Variants in ZC3H4 observed in about 807,000 individuals in gnomAD.
ZC3H4 encodes the protein zinc finger CCCH-type containing 4.
ZC3H4 carries 13 observed loss-of-function variants against 108.3 expected under a neutral mutation model. The ratio of observed to expected loss-of-function variants is 0.12; its 90% CI spans 0.08 to 0.19. The LOEUF (loss-of-function observed/expected upper bound fraction) is 0.19, where lower values mean the gene tolerates loss of function less well. Ranked by LOEUF, ZC3H4 falls within the 10% of genes least tolerant of loss-of-function variation. ZC3H4 has a pLI of 1.00. For missense variants in ZC3H4, 1,734 were observed against 1,838.8 expected, an observed-to-expected ratio of 0.94 and a Z score of 1.04; for synonymous variants, 917 against 749.6, an observed-to-expected ratio of 1.22 and a Z score of -3.65.
chr19:47,098,338 A>G (rs1180962405), intron 2 of ZC3H4, among the ~76,000 whole-genome samples: 4 of 152,112 alleles, frequency 2.6e-5, no homozygotes, highest in African/African-American at 9.7e-5. Flanking sequence ...AGTAATACAA[A>G]AATTAGCTGG....
At chr19:47,098,895 A>G (rs1303142650) in intron 2 of ZC3H4, among the ~76,000 whole-genome samples, 1 of 152,132 alleles carries the variant, frequency 6.6e-6, no homozygotes, top group Non-Finnish European at 1.5e-5. Flanking sequence ...AGACCAAGTA[A>G]CTCAACCAGC....
Position 47,066,684 on chromosome 19 carries a change from G to C in ZC3H4, c.3584C>G (p.Ala1195Gly). Residue 1195 changes from alanine to glycine, a missense_variant, in exon 15 of 15, where the codon GCC (alanine) becomes GGC (glycine). Physicochemically the swap from Ala to Gly is moderately conservative, Grantham distance 60. Around this residue, in one of 9 missense-constraint regions of ZC3H4, gnomAD observed 518 missense variants for 499.6 expected, o/e 1.04. Coordinates refer to ENST00000253048, the MANE Select transcript of ZC3H4 (RefSeq NM_015168.2). ...CTTCCCTGTCTCTGGCTGTTCCAGG[G>C]CAGACTTGCGGACGAACGGGGGCTC... ...AKEPPFVRKSALEQPETGKAG... is the reference protein window; with the variant it reads ...AKEPPFVRKSGLEQPETGKAG... 6.2e-7 allele frequency: 1 copy of C among 1,610,954 alleles called. No homozygotes were observed. Among genetic ancestry groups the C allele is most frequent in the Non-Finnish European group, 8.5e-7 (1 of 1,179,334 alleles).
intron 2 of ZC3H4, among the ~76,000 whole-genome samples, chr19:47,108,935 ACATC>A (rs1290583399): frequency 6.6e-6 from 1 of 152,206 alleles, no homozygotes; most frequent in Admixed American, 6.5e-5. Flanking sequence ...TATGACGAGA[ACATC>A]CATATTTCCA....
chr19:47,092,731 C>T (rs977597124), intron 4 of ZC3H4, among the ~76,000 whole-genome samples: 1 of 151,838 alleles, frequency 6.6e-6, no homozygotes, highest in Non-Finnish European at 1.5e-5. Context: ...ACAGGAGAAT[C>T]GCTTGAACCA....
rs773117910 is a variant in ZC3H4, at chr19:47,067,272, G to A, written c.2996C>T (p.Pro999Leu). 1.3e-6 allele frequency: 2 copies of A among 1,588,246 alleles called. No homozygotes were observed. Among genetic ancestry groups the A allele is most frequent in the Non-Finnish European group, 8.6e-7 (1 of 1,167,034 alleles). Residue 999 changes from proline to leucine, a missense_variant, in exon 15 of 15, where the codon CCC (proline) becomes CTC (leucine). By Grantham distance (98) the Pro-to-Leu change is moderately conservative (BLOSUM62 -3). This residue lies in a region of ZC3H4 where 518 missense variants were observed against 499.6 expected (regional missense o/e 1.04). Coordinates refer to ENST00000253048, the MANE Select transcript of ZC3H4 (RefSeq NM_015168.2). The surrounding 1 kb of genome is among the most constrained non-coding windows in gnomAD (Gnocchi z 6.4). ...GGTGGGCATGGATTGCAGGGCCGCG[G>A]GCACGGGGGGCACTGCGTCCTGCTT... ...IPKQDAVPPV[P>L]AALQSMPTLD...
chr19:47,089,436 CA>C (rs1164221508), intron 5 of ZC3H4, among the ~76,000 whole-genome samples: 4 of 152,058 alleles, frequency 2.6e-5, no homozygotes, highest in Admixed American at 2.0e-4. Flanking sequence ...CTCGGCCTCC[CA>C]AAGTGCTGGG....
chr19:47,069,018 G>A, intron 14 of ZC3H4, 74 bp downstream of exon 14: 2 of 1,590,586 alleles, frequency 1.3e-6, no homozygotes, highest in Admixed American at 3.4e-5. Context: ...ACCCAACCTG[G>A]AACACCCCAC....
rs1186423386 is a variant in ZC3H4 at position 47,066,740 on chromosome 19, G to A, written c.3528C>T (p.Gly1176=). 2.7e-5 allele frequency: 43 copies of A among 1,605,634 alleles called. No homozygotes were observed. Among genetic ancestry groups the A allele is most frequent in the Non-Finnish European group, 3.5e-5 (41 of 1,178,382 alleles). Residue 1176 remains glycine, a synonymous_variant, in exon 15 of 15, where the codon GGC becomes GGT. Coordinates refer to ENST00000253048, the MANE Select transcript of ZC3H4 (RefSeq NM_015168.2). ...DTGAQPKGAE[G]NGKSSASKAK... Reference sequence around the variant, plus strand: ...CCTTGGAGGCCGAGCTCTTGCCATTGCCCTCAGCACCCTTGGGCTGGGCAC... The same window carrying A: ...CCTTGGAGGCCGAGCTCTTGCCATTACCCTCAGCACCCTTGGGCTGGGCAC...
At chr19:47,076,323 G>GCA (rs946244599) in intron 11 of ZC3H4, among the ~76,000 whole-genome samples, 5 of 73,968 alleles carry the variant, frequency 6.8e-5, no homozygotes, top group African/African-American at 2.0e-4. Context: ...GTGCGCGCGC[G>GCA]CGCACACACA....
chr19:47,091,335 C>T (rs62138260), intron 4 of ZC3H4, among the ~76,000 whole-genome samples: 2,460 of 152,236 alleles, frequency 0.016, 38 homozygotes, highest in South Asian at 0.029. Context: ...CTGTGGGAGG[C>T]CCAGGCAGGC....
intron 13 of ZC3H4, 92 bp from the exon 14 acceptor site, chr19:47,069,435 T>A: frequency 6.8e-7 from 1 of 1,475,972 alleles, no homozygotes; most frequent in South Asian, 1.3e-5. Context: ...CCCACACCGA[T>A]GGCGATGGAG....
intron 2 of ZC3H4, among the ~76,000 whole-genome samples, chr19:47,103,930 C>A (rs556798006): frequency 1.3e-5 from 2 of 150,580 alleles, no homozygotes; most frequent in Non-Finnish European, 3.0e-5. Context: ...GGTGAAAGAG[C>A]GAGACTCCGT....
intron 11 of ZC3H4, among the ~76,000 whole-genome samples, chr19:47,077,990 T>C (rs1465949256): frequency 1.3e-5 from 2 of 152,156 alleles, no homozygotes; most frequent in Non-Finnish European, 1.5e-5. Context: ...TATTGCTCTC[T>C]ACAGAATTTA....
intron 5 of ZC3H4, 54 bp downstream of exon 5, chr19:47,089,913 T>C (rs1293096689): frequency 5.7e-6 from 9 of 1,590,020 alleles, no homozygotes; most frequent in Non-Finnish European, 7.7e-6. Flanking sequence ...GCCACCGGGG[T>C]TGGCCCGGGT....
chr19:47,072,423 G>C lies in ZC3H4; in HGVS notation c.1731C>G (p.Asn577Lys), dbSNP rs1337333122. The C allele has an allele frequency of 1.4e-5, 22 of 1,612,346 alleles. No individual in the cohort carries two copies. The highest frequency in any genetic ancestry group is 2.2e-5 in the East Asian group (1 of 44,802). The change falls in exon 12 of 15, where the codon AAC (asparagine) becomes AAG (lysine). Residue 577 changes from asparagine to lysine, a missense_variant. Around this residue, in one of 9 missense-constraint regions of ZC3H4, gnomAD observed 75 missense variants for 85.8 expected, o/e 0.87. Coordinates refer to ENST00000253048, the MANE Select transcript of ZC3H4 (RefSeq NM_015168.2). This position sits in a 1 kb window ranked among gnomAD's most constrained non-coding sequence, Gnocchi z 5.6. ...PQQLQQQDMY[N>K]KKIPSLFEIV... is the part of the protein sequence containing the mutation. Reference sequence around the variant, plus strand: ...TCTCAAACAAGGAGGGGATCTTCTTGTTGTACATGTCCTGCTGCTGCAGCT... The same window carrying C: ...TCTCAAACAAGGAGGGGATCTTCTTCTTGTACATGTCCTGCTGCTGCAGCT...
intron 2 of ZC3H4, among the ~76,000 whole-genome samples, chr19:47,107,039 A>G (rs1242444094): frequency 6.6e-6 from 1 of 152,316 alleles, no homozygotes; most frequent in Non-Finnish European, 1.5e-5. Flanking sequence ...CAAAAGATGA[A>G]CACAGGAGGT....
chr19:47,066,581 G>A lies in ZC3H4; in HGVS notation c.3687C>T (p.Pro1229=), dbSNP rs376892144. Residue 1229 remains proline (P), a synonymous_variant, in exon 15 of 15, where the codon CCC becomes CCT. Transcript: ENST00000253048. ...NRPRPKAAAA[P]AATTATPPPE... ...GGGGTGGGGTGGCGGTGGTGGCAGC[G>A]GGGGCTGCAGCAGCCTTGGGCCGGG... is the stretch of plus-strand genomic sequence containing the variant. The A allele has an allele frequency of 1.9e-4, 305 of 1,592,448 alleles. 1 individual carries two copies. The highest frequency in any genetic ancestry group is 4.1e-4 in the East Asian group (18 of 44,438).
Position 47,066,559 on chromosome 19 carries a change from G to A in ZC3H4, c.3709C>T (p.Pro1237Ser). The change falls in exon 15 of 15, where the codon CCC becomes TCC. Residue 1237 changes from proline (P) to serine (S), a missense_variant. By Grantham distance (74) the Pro-to-Ser change is moderately conservative (BLOSUM62 -1). Transcript: ENST00000253048. ...AAPAATTATP[P>S]PEGAPPQPGV... is the part of the protein sequence containing the mutation. ...GGCTGGGGTGGGGCACCCTCGGGGG[G>A]TGGGGTGGCGGTGGTGGCAGCGGGG... 2 of 1,577,522 alleles carry A rather than the reference G, an allele frequency of 1.3e-6. No homozygotes were observed. The highest frequency in any genetic ancestry group is 1.7e-6 in the Non-Finnish European group (2 of 1,161,722).
chr19:47,066,742 C>T lies in ZC3H4; in HGVS notation c.3526G>A (p.Gly1176Ser). 1 of 1,605,622 alleles carries T rather than the reference C, an allele frequency of 6.2e-7. No homozygotes were observed. ...TTGGAGGCCGAGCTCTTGCCATTGCCCTCAGCACCCTTGGGCTGGGCACCC... is the reference window on the plus strand; with the variant it reads ...TTGGAGGCCGAGCTCTTGCCATTGCTCTCAGCACCCTTGGGCTGGGCACCC... Reference protein sequence around the residue: ...DTGAQPKGAEGNGKSSASKAK... With the variant: ...DTGAQPKGAESNGKSSASKAK... The change falls in exon 15 of 15, where the codon GGC (glycine) becomes AGC (serine). Residue 1176 changes from glycine (G) to serine (S), a missense_variant. Gly to Ser is a moderately conservative substitution (Grantham distance 56). This residue lies in a region of ZC3H4 where 518 missense variants were observed against 499.6 expected (regional missense o/e 1.04). Transcript: ENST00000253048.
Sources: allele counts gnomAD v4.1 joint callset (sites outside exome capture counted in the v4.1 genomes callset), GRCh38; gene constraint gnomAD v4.1.1; regional missense constraint gnomAD v4.1.1; non-coding constraint Gnocchi (gnomAD v3.1); transcripts MANE v1.5; gene names NCBI Gene and HGNC (gene_info 2026-07-23, HGNC 2026-07-21).